The following RALGPS2 variants were observed in gnomAD, a reference collection of about 807,000 sequenced individuals.
RALGPS2 encodes the protein ras-specific guanine nucleotide-releasing factor RalGPS2.
Under a neutral mutation model 86.8 loss-of-function variants are expected in RALGPS2, and 43 were observed. The observed-to-expected ratio is 0.50, with a 90% CI of 0.39 to 0.64. The LOEUF (loss-of-function observed/expected upper bound fraction) is 0.64, where lower values mean the gene tolerates loss of function less well. RALGPS2 is among the 30% of genes least tolerant of loss of function. The pLI is 0.00. For missense variants in RALGPS2, 536 were observed against 694.6 expected, an observed-to-expected ratio of 0.77 and a Z score of 2.57; for synonymous variants, 243 against 231.3, an observed-to-expected ratio of 1.05 and a Z score of -0.46.
At chr1:178,871,307 G>A (rs1164613982) in intron 8 of RALGPS2, among the ~76,000 whole-genome samples, 1 of 151,948 alleles carries the variant, frequency 6.6e-6, no homozygotes, top group Admixed American at 6.6e-5. Flanking sequence ...AGTTCAGCGG[G>A]CAATTATAAA....
In RALGPS2 at chr1:178,808,149, ACT is replaced by A. The variant is rs761038049; in HGVS notation, c.297+22_297+23del. On this transcript the variant is annotated intron_variant, in intron 5 of 19. Coordinates refer to ENST00000367635, the MANE Select transcript of RALGPS2 (RefSeq NM_152663.5). ...ATCATGTGAGTTTATAAATTTTGAT[ACT>A]GTGTCTGAAATTCAGTTCCTCAATA... 7.3e-6 allele frequency: 11 copies of A among 1,497,698 alleles called. No homozygotes were observed. In the African/African-American group the frequency reaches 1.2e-4, roughly 17 times the overall value. 92.8% of individuals were successfully genotyped at this position (1,497,698 alleles called of 1,614,324 possible).
At chr1:178,905,062 C>G (rs553400495) in intron 18 of RALGPS2, among the ~76,000 whole-genome samples, 1 of 151,778 alleles carries the variant, frequency 6.6e-6, no homozygotes, top group Non-Finnish European at 1.5e-5. Context: ...AGAGCTCTTT[C>G]GACTCCTTTG....
intron 4 of RALGPS2, among the ~76,000 whole-genome samples, chr1:178,794,633 T>C (rs1458249035): frequency 6.6e-6 from 1 of 152,238 alleles, no homozygotes; most frequent in Non-Finnish European, 1.5e-5. Context: ...ATTACACTAA[T>C]AGGGTTTCTC....
intron 1 of RALGPS2, among the ~76,000 whole-genome samples, chr1:178,773,016 G>T (rs1347987179): frequency 1.3e-5 from 2 of 152,106 alleles, no homozygotes; most frequent in African/African-American, 4.8e-5. Context: ...TTGGCCGGCT[G>T]GTCTCGAACT....
At chr1:178,761,928 G>A (rs2102066606) in intron 1 of RALGPS2, among the ~76,000 whole-genome samples, 1 of 152,156 alleles carries the variant, frequency 6.6e-6, no homozygotes, top group African/African-American at 2.4e-5. Context: ...TGTTTTGAGG[G>A]GTTTGATGTA....
Position 178,772,029 on chromosome 1 carries a change from C to T in RALGPS2, c.-83-4653C>T, listed in dbSNP as rs185618684. Among the ~76,000 whole-genome samples, 17 of 152,290 alleles carry T rather than the reference C, an allele frequency of 1.1e-4. 1 individual carries two copies. In the East Asian group the frequency reaches 3.3e-3, roughly 29 times the overall value. The stretch of plus-strand genomic sequence containing the variant: ...TCTCTTAAACCCAGGAGCCTCCAAG[C>T]ATGGAATCTTGATGTCTGTCTTATC... On this transcript the variant is annotated intron_variant, in intron 1 of 19. Coordinates refer to ENST00000367635, the MANE Select transcript of RALGPS2 (RefSeq NM_152663.5).
chr1:178,794,489 C>T (rs955707319), intron 4 of RALGPS2, among the ~76,000 whole-genome samples: 27 of 152,176 alleles, frequency 1.8e-4, no homozygotes, highest in African/African-American at 6.0e-4. Context: ...TTTCATGTTG[C>T]AGAAGCTTGA....
rs537858994 is a variant in RALGPS2, at chr1:178,750,261, G to T, written c.-84+24842G>T. Among the ~76,000 whole-genome samples, 22 of 152,322 alleles carry T rather than the reference G, an allele frequency of 1.4e-4. No homozygotes were observed. The South Asian group carries it at 4.6e-3, about 32-fold the overall frequency. ...TGCAAGTCTCTGTTGCAGCTATTCA[G>T]TTCTGCTTTTGGAGTGTGAAAGCAG... On this transcript the variant is annotated intron_variant, in intron 1 of 19. Transcript: ENST00000367635.
At chr1:178,753,007 T>C (rs554297534) in intron 1 of RALGPS2, among the ~76,000 whole-genome samples, 1 of 152,224 alleles carries the variant, frequency 6.6e-6, no homozygotes, top group African/African-American at 2.4e-5. Flanking sequence ...TGACAAACAT[T>C]GCCCTTTATT....
At chr1:178,863,309 A>C (rs1190866182) in intron 8 of RALGPS2, among the ~76,000 whole-genome samples, 1 of 152,240 alleles carries the variant, frequency 6.6e-6, no homozygotes, top group Non-Finnish European at 1.5e-5. Flanking sequence ...ACATTAATCA[A>C]AACAGAGATG....
rs151248590 is a variant in RALGPS2, at chr1:178,909,876, C to T, written c.1722+3009C>T. On this transcript the variant is annotated intron_variant, in intron 19 of 19. Coordinates refer to ENST00000367635, the MANE Select transcript of RALGPS2 (RefSeq NM_152663.5). ...GTGTTAGCCAGGATGGTCTCGATCT[C>T]CTGACCTCGTGATCCACCCACCTCC... Among the ~76,000 whole-genome samples the T allele has an allele frequency of 5.9e-3, 904 of 152,116 alleles. 15 individuals carry two copies. Among genetic ancestry groups the T allele is most frequent in the African/African-American group, 0.021 (876 of 41,512 alleles).
chr1:178,747,757 C>T, intron 1 of RALGPS2: 6 of 1,005,432 alleles, frequency 6.0e-6, no homozygotes, highest in Non-Finnish European at 7.8e-6. Flanking sequence ...GTGGGCATGG[C>T]AGCAGGAGCG....
intron 7 of RALGPS2, among the ~76,000 whole-genome samples, chr1:178,829,265 CAGT>C (rs1398870391): frequency 1.3e-5 from 2 of 152,162 alleles, no homozygotes; most frequent in East Asian, 3.9e-4. Context: ...AATGTTGGGT[CAGT>C]AGGTACAAAG....
chr1:178,851,201 A>G (rs1304571439), intron 8 of RALGPS2: 5 of 1,613,908 alleles, frequency 3.1e-6, no homozygotes, highest in East Asian at 4.5e-5. Context: ...CGGCCCAGAA[A>G]ATTCCATCTT....
intron 1 of RALGPS2, chr1:178,747,192 C>T: frequency 8.4e-7 from 1 of 1,185,480 alleles, no homozygotes; most frequent in Non-Finnish European, 1.3e-6. Context: ...CGTCCAGTGC[C>T]TGCACTACGG....
At chr1:178,783,222 GT>G (rs1209019013) in intron 2 of RALGPS2, among the ~76,000 whole-genome samples, 12 of 152,160 alleles carry the variant, frequency 7.9e-5, no homozygotes, top group African/African-American at 2.4e-4. Flanking sequence ...AATGCCTTTG[GT>G]GAGCTAACCA....
intron 1 of RALGPS2, among the ~76,000 whole-genome samples, chr1:178,769,102 C>T (rs1652656350): frequency 1.3e-5 from 2 of 151,942 alleles, no homozygotes; most frequent in East Asian, 1.9e-4. Context: ...GCTGTTCAGG[C>T]TACCAATCCC....
chr1:178,896,607 A>G (rs1034008913), intron 16 of RALGPS2, among the ~76,000 whole-genome samples: 10 of 144,568 alleles, frequency 6.9e-5, no homozygotes, highest in Non-Finnish European at 1.1e-4. Flanking sequence ...TCCCGATGCT[A>G]TCCCTCCCCC....
rs537530006 is a variant in RALGPS2, at chr1:178,859,454, A to G, written c.608-18044A>G. ...GAGTCTCGCTCTGTCGCCAGGCTGG[A>G]GTGCAGTGTCACGATCTCGGCTCAC... is the stretch of plus-strand genomic sequence containing the variant. On this transcript the variant is annotated intron_variant, in intron 8 of 19. Transcript: ENST00000367635. Among the ~76,000 whole-genome samples the G allele has an allele frequency of 4.7e-5, 6 of 128,792 alleles. No individual in the cohort carries two copies. The East Asian group carries it at 1.4e-3, about 29-fold the overall frequency. The allele number at this position is 128,792 out of a possible 152,430, so 84.5% of individuals were successfully genotyped here.
Sources: gnomAD v4.1 joint callset for allele counts (sites outside exome capture counted in the v4.1 genomes callset) on GRCh38, gnomAD v4.1.1 for gene constraint, MANE v1.5 for transcripts, NCBI Gene and HGNC (gene_info 2026-07-23, HGNC 2026-07-21) for gene names.